The following MYO10 variants were observed in gnomAD, a reference collection of about 807,000 sequenced individuals.
MYO10 encodes the protein unconventional myosin-X.
MYO10 carries 133 observed loss-of-function variants against 257.3 expected under a neutral mutation model. That is an observed-to-expected ratio of 0.52 (90% confidence interval 0.45 to 0.60). The LOEUF is 0.60. Among genes scored for constraint, MYO10 ranks in the 20% least tolerant of loss-of-function variants. MYO10 has a pLI of 0.00. For synonymous variants in MYO10, 1,104 were observed against 1,028.6 expected, an observed-to-expected ratio of 1.07 and a Z score of -1.40; for missense variants, 2,399 against 2,635.7, an observed-to-expected ratio of 0.91 and a Z score of 1.97.
chr5:16,754,678 T>C (rs938961644), intron 19 of MYO10, 150 bp downstream of exon 19: 2 of 462,296 alleles, frequency 4.3e-6, no homozygotes, highest in Non-Finnish European at 7.4e-6. Flanking sequence ...AAGGGAACTT[T>C]TTCATTTCAT....
chr5:16,705,527 A>C (rs923040429), intron 21 of MYO10, among the ~76,000 whole-genome samples: 1 of 152,260 alleles, frequency 6.6e-6, no homozygotes, highest in Non-Finnish European at 1.5e-5. Context: ...TAATACACGC[A>C]TAAGAAATTT....
intron 1 of MYO10, among the ~76,000 whole-genome samples, chr5:16,933,634 C>A (rs563953133): frequency 8.5e-5 from 13 of 152,272 alleles, no homozygotes; most frequent in Admixed American, 3.3e-4. Flanking sequence ...TCTATTCTAA[C>A]AGGACATTAA....
At chr5:16,706,367 A>G (rs558335991) in intron 21 of MYO10, among the ~76,000 whole-genome samples, 75 of 152,322 alleles carry the variant, frequency 4.9e-4, no homozygotes, top group African/African-American at 1.7e-3. Flanking sequence ...TGTTGGATGT[A>G]ATCATCATTA....
intron 19 of MYO10, among the ~76,000 whole-genome samples, chr5:16,734,611 C>T (rs1377289409): frequency 6.6e-6 from 1 of 152,046 alleles, no homozygotes; most frequent in Non-Finnish European, 1.5e-5. Flanking sequence ...TCGAGACCAG[C>T]CTGGCCAACA....
intron 19 of MYO10, among the ~76,000 whole-genome samples, chr5:16,720,278 T>C (rs971122996): frequency 9.9e-5 from 15 of 152,158 alleles, no homozygotes; most frequent in African/African-American, 3.6e-4. Flanking sequence ...GTAAGTCAAT[T>C]GCCTTTACTG....
intron 32 of MYO10, among the ~76,000 whole-genome samples, chr5:16,680,418 C>CTCTGG (rs1395172895): frequency 6.6e-6 from 1 of 152,062 alleles, no homozygotes; most frequent in Non-Finnish European, 1.5e-5. Flanking sequence ...TCTTTTTGGG[C>CTCTGG]TCTGGAACAG....
chr5:16,908,326 G>C (rs1316994832), intron 1 of MYO10, among the ~76,000 whole-genome samples: 7 of 152,040 alleles, frequency 4.6e-5, no homozygotes, highest in Non-Finnish European at 7.4e-5. Flanking sequence ...TCAGGAGTTC[G>C]AGAGCAGCCT....
chr5:16,737,658 A>G (rs939043434), intron 19 of MYO10, among the ~76,000 whole-genome samples: 6 of 152,252 alleles, frequency 3.9e-5, no homozygotes, highest in Non-Finnish European at 8.8e-5. Context: ...CCAAGAAATC[A>G]TCAGCATCGA....
At chr5:16,912,424 C>A (rs1277081129) in intron 1 of MYO10, among the ~76,000 whole-genome samples, 2 of 152,200 alleles carry the variant, frequency 1.3e-5, no homozygotes, top group South Asian at 4.1e-4. Flanking sequence ...AGTGCACGCA[C>A]TTTCCTTACC....
chr5:16,892,897 T>C lies in MYO10; in HGVS notation c.22-15190A>G, dbSNP rs1188203010. On this transcript the variant is annotated intron_variant, in intron 1 of 40. Transcript: ENST00000513610. Reference sequence around the variant, plus strand: ...CCAGCTACTTTCCAGACACAAAACATTGAAAAAGAACTTACAGGCCAGGCA... The same window carrying C: ...CCAGCTACTTTCCAGACACAAAACACTGAAAAAGAACTTACAGGCCAGGCA... Among the ~76,000 whole-genome samples, 3 of 151,364 alleles carry C rather than the reference T, an allele frequency of 2.0e-5. No individual in the cohort carries two copies. In the East Asian group the frequency reaches 5.9e-4, roughly 30 times the overall value.
chr5:16,818,362 ATGTGTGTGTGTGTG>A (rs35397872), intron 2 of MYO10, among the ~76,000 whole-genome samples, 195 bp from the exon 3 acceptor site: 1 of 136,750 alleles, frequency 7.3e-6, no homozygotes, highest in Non-Finnish European at 1.5e-5. Context: ...GTGTGTATGT[ATGTGTGTGTGTGTG>A]TGTGCGTGTG....
chr5:16,803,119 A>T (rs11747028), intron 3 of MYO10, among the ~76,000 whole-genome samples: 16,528 of 150,790 alleles, frequency 0.11, 1,024 homozygotes, highest in South Asian at 0.23. Flanking sequence ...AAAAAAATTT[A>T]AAAAAAAAAT....
intron 25 of MYO10, among the ~76,000 whole-genome samples, 191 bp downstream of exon 25, chr5:16,700,772 C>T (rs1021543992): frequency 2.6e-5 from 4 of 152,166 alleles, no homozygotes; most frequent in African/African-American, 9.7e-5. Context: ...CTGAAACAGG[C>T]ACATCAAAGT....
chr5:16,670,449 C>T (rs532017950), intron 39 of MYO10, 77 bp downstream of exon 39: 2 of 1,319,024 alleles, frequency 1.5e-6, no homozygotes, highest in African/African-American at 3.0e-5. Context: ...GTCTTCTCTC[C>T]ACATGAACTT....
rs145541725 is a variant in MYO10 at position 16,792,839 on chromosome 5, C to G, written c.467+1807G>C. 1.3e-4 allele frequency among the ~76,000 whole-genome samples: 20 copies of G among 152,266 alleles called. No homozygotes were observed. The East Asian group carries it at 3.9e-3, about 29-fold the overall frequency. ...GTCTTACTTCCACTGAATCGGAAAT[C>G]CGGAGAGAGGGGTCTTTTTAGTGTC... is the stretch of plus-strand genomic sequence containing the variant. On this transcript the variant is annotated intron_variant, in intron 4 of 40. Transcript: ENST00000513610.
intron 3 of MYO10, among the ~76,000 whole-genome samples, chr5:16,805,458 C>CAAAAAAAAAAAAA (rs36126574): frequency 1.4e-4 from 11 of 78,340 alleles, no homozygotes; most frequent in African/African-American, 3.5e-4. Context: ...GACTCCATCT[C>CAAAAAAAAAAAAA]AAAAAAAAAA....
chr5:16,920,116 G>A (rs78114247), intron 1 of MYO10, among the ~76,000 whole-genome samples: 9,940 of 149,234 alleles, frequency 0.067, 354 homozygotes, highest in African/African-American at 0.11. Flanking sequence ...TCTCAAAAAA[G>A]AAAAAAAATT....
At chr5:16,801,740 T>C (rs1351446612) in intron 3 of MYO10, among the ~76,000 whole-genome samples, 1 of 152,094 alleles carries the variant, frequency 6.6e-6, no homozygotes, top group Non-Finnish European at 1.5e-5. Context: ...TTTTCAAGAT[T>C]TTCCTTAAAC....
chr5:16,818,390 G>GTATATATATATATATA (rs1561000786), intron 2 of MYO10, among the ~76,000 whole-genome samples: 4 of 94,038 alleles, frequency 4.3e-5, no homozygotes, highest in African/African-American at 2.0e-4. Context: ...GCGTGTGTGT[G>GTATATATATATATATA]TGTGTGTGTG....
Sources: gnomAD v4.1 joint callset for allele counts (sites outside exome capture counted in the v4.1 genomes callset) on GRCh38, gnomAD v4.1.1 for gene constraint, MANE v1.5 for transcripts, NCBI Gene and HGNC (gene_info 2026-07-23, HGNC 2026-07-21) for gene names.